Variants in STK32B observed in about 807,000 individuals in gnomAD.
STK32B encodes serine/threonine kinase 32B.
Under a neutral mutation model 52.6 loss-of-function variants are expected in STK32B, and 43 were observed. The observed-to-expected ratio is 0.82, with a 90% CI of 0.64 to 1.05. The LOEUF is 1.05. STK32B is among the 50% of genes least tolerant of loss of function. The pLI, the probability that STK32B is intolerant of heterozygous loss-of-function variation, is 0.00. For missense variants in STK32B, 621 were observed against 534.6 expected (o/e 1.16, Z -1.59); for synonymous variants, 238 against 204.3 (o/e 1.17, Z -1.41).
chr4:5,125,075 A>G (rs544950490), intron 1 of STK32B, among the ~76,000 whole-genome samples: 1 of 152,298 alleles, frequency 6.6e-6, no homozygotes, highest in South Asian at 2.1e-4. Context: ...GAAGACTCCC[A>G]GCTCACAACC....
intron 4 of STK32B, among the ~76,000 whole-genome samples, chr4:5,373,626 C>T (rs1360735916): frequency 6.6e-6 from 1 of 152,180 alleles, no homozygotes; most frequent in Non-Finnish European, 1.5e-5. Flanking sequence ...GGAGCAGACA[C>T]CTGCATAGCA....
intron 1 of STK32B, among the ~76,000 whole-genome samples, chr4:5,077,785 C>G (rs1457937239): frequency 2.0e-5 from 3 of 152,024 alleles, no homozygotes; most frequent in Non-Finnish European, 4.4e-5. Context: ...CTGGAGAATC[C>G]CAAACATTTT....
rs141079945 is a variant in STK32B, at chr4:5,370,472, G to C, written c.435-27735G>C. Among the ~76,000 whole-genome samples, 460 of 152,286 alleles carry C rather than the reference G, an allele frequency of 3.0e-3. 4 individuals are homozygous for C. Among genetic ancestry groups the C allele is most frequent in the African/African-American group, 0.01 (425 of 41,574 alleles). ...AGAGGTTTGTTTACACTTCTGTAAT[G>C]ATGAACAATCTTATTCAAGCAAATG... is the stretch of plus-strand genomic sequence containing the variant. On this transcript the variant is annotated intron_variant, in intron 4 of 11. Transcript: ENST00000282908.
intron 8 of STK32B, among the ~76,000 whole-genome samples, chr4:5,459,282 G>GCCCCCCC (rs55688341): frequency 7.5e-5 from 10 of 133,118 alleles, no homozygotes; most frequent in South Asian, 2.8e-4. Flanking sequence ...ACCCTGGTGT[G>GCCCCCCC]CCCCCCCCCC....
chr4:5,191,073 C>T (rs1304148420), intron 3 of STK32B, among the ~76,000 whole-genome samples: 3 of 152,134 alleles, frequency 2.0e-5, no homozygotes, highest in Non-Finnish European at 2.9e-5. Flanking sequence ...TCTGCTAACT[C>T]GAATTTTGAC....
intron 1 of STK32B, among the ~76,000 whole-genome samples, chr4:5,064,802 T>C (rs1381332198): frequency 1.0e-5 from 1 of 95,816 alleles, no homozygotes; most frequent in Non-Finnish European, 2.5e-5. Context: ...TATATACTTA[T>C]GTTGTATACA....
chr4:5,324,410 A>C (rs1731736466), intron 3 of STK32B, among the ~76,000 whole-genome samples: 1 of 152,172 alleles, frequency 6.6e-6, no homozygotes, highest in South Asian at 2.1e-4. Context: ...CAGAATTTGC[A>C]CCACATCAGT....
chr4:5,174,425 T>C (rs543300080), intron 3 of STK32B, among the ~76,000 whole-genome samples: 19 of 152,338 alleles, frequency 1.2e-4, no homozygotes, highest in African/African-American at 3.8e-4. Context: ...GGCATGTTTT[T>C]GCAGTGGCTG....
intron 4 of STK32B, among the ~76,000 whole-genome samples, chr4:5,391,662 C>A (rs190523349): frequency 1.4e-3 from 208 of 152,332 alleles, no homozygotes; most frequent in Middle Eastern, 6.8e-3. Context: ...GAGGTCAAGC[C>A]TACTGGCCAG....
intron 4 of STK32B, among the ~76,000 whole-genome samples, chr4:5,367,477 G>A (rs1383153199): frequency 6.6e-6 from 1 of 150,660 alleles, no homozygotes; most frequent in African/African-American, 2.4e-5. Flanking sequence ...CATGTTAGTG[G>A]AGGCTGGGGG....
At chr4:5,215,352 A>G (rs1369492754) in intron 3 of STK32B, among the ~76,000 whole-genome samples, 1 of 152,158 alleles carries the variant, frequency 6.6e-6, no homozygotes, top group African/African-American at 2.4e-5. Context: ...CAGATATCAC[A>G]TCTGATTTTT....
At chr4:5,043,079 G>C in the STK32B span, among the ~76,000 whole-genome samples, 1 of 134,144 alleles carries the variant, frequency 7.5e-6, no homozygotes, top group East Asian at 2.3e-4. Flanking sequence ...GCAGTCCGCA[G>C]TCCGGCCTGG....
intron 8 of STK32B, among the ~76,000 whole-genome samples, chr4:5,458,427 A>T (rs73212730): frequency 0.043 from 6,537 of 152,248 alleles, 253 homozygotes; most frequent in African/African-American, 0.09. Context: ...GTGAGCAGGG[A>T]AAGTGTCACT....
At chr4:5,159,928 C>T (rs1417807554) in intron 2 of STK32B, among the ~76,000 whole-genome samples, 1 of 151,868 alleles carries the variant, frequency 6.6e-6, no homozygotes, top group African/African-American at 2.4e-5. Flanking sequence ...CAGATCAAGT[C>T]TGAAGGGCGT....
intron 3 of STK32B, among the ~76,000 whole-genome samples, chr4:5,191,407 C>T (rs144397078): frequency 1.5e-4 from 23 of 152,210 alleles, no homozygotes; most frequent in African/African-American, 4.3e-4. Flanking sequence ...CACACCACCA[C>T]GCCTGGCTAA....
chr4:5,237,477 C>T (rs1469332240), intron 3 of STK32B, among the ~76,000 whole-genome samples: 2 of 152,192 alleles, frequency 1.3e-5, no homozygotes, highest in African/African-American at 4.8e-5. Context: ...AACCCAGCTT[C>T]TTCAATGAGG....
At chr4:5,424,833 GAGA>G (rs1407575590) in intron 6 of STK32B, among the ~76,000 whole-genome samples, 1 of 152,204 alleles carries the variant, frequency 6.6e-6, no homozygotes, top group African/African-American at 2.4e-5. Context: ...GGAGAGAAGG[GAGA>G]AGGAGAGAAG....
intron 4 of STK32B, among the ~76,000 whole-genome samples, chr4:5,333,181 T>C (rs575272064): frequency 3.0e-4 from 45 of 152,190 alleles, no homozygotes; most frequent in Admixed American, 2.8e-3. Context: ...TTTTAATGAT[T>C]GCCATTCTAA....
intron 6 of STK32B, chr4:5,437,861 G>A (rs1268093880): frequency 2.1e-6 from 2 of 964,880 alleles, no homozygotes; most frequent in Non-Finnish European, 2.5e-6. Context: ...CTGGGATTCT[G>A]AACAGCCAAT....
Sources: gnomAD v4.1 joint callset for allele counts (sites outside exome capture counted in the v4.1 genomes callset) on GRCh38, gnomAD v4.1.1 for gene constraint, MANE v1.5 for transcripts, NCBI Gene and HGNC (gene_info 2026-07-23, HGNC 2026-07-21) for gene names.